Variants in EPSTI1 observed in about 807,000 individuals in gnomAD.
EPSTI1 encodes the protein epithelial stromal interaction 1.
Under a neutral mutation model 49.9 loss-of-function variants are expected in EPSTI1, and 66 were observed. The ratio of observed to expected loss-of-function variants is 1.32; its 90% CI spans 1.08 to 1.62. The LOEUF (loss-of-function observed/expected upper bound fraction) is 1.62, where lower values mean the gene tolerates loss of function less well. EPSTI1 is among the 40% of genes most tolerant of loss of function. The pLI is 0.00. For synonymous variants in EPSTI1, 137 were observed against 130.7 expected, an observed-to-expected ratio of 1.05 and a Z score of -0.33; for missense variants, 394 against 365.5, an observed-to-expected ratio of 1.08 and a Z score of -0.64.
rs761835922 is a variant in EPSTI1, at chr13:42,917,550, T to C, written c.732A>G (p.Gln244=). The change falls in exon 8 of 11, where the codon CAA becomes CAG. Residue 244 remains glutamine (Q), a synonymous_variant. Transcript: ENST00000313624. ...NRKLQKMKDE[Q]HQKSELLELK... ...AGGGGCTTGTAAGTACCTTTTGATGTTGTTCATCCTTCATCTTTTGCAATT... is the reference window on the plus strand; with the variant it reads ...AGGGGCTTGTAAGTACCTTTTGATGCTGTTCATCCTTCATCTTTTGCAATT... 6.2e-7 allele frequency: 1 copy of C among 1,612,842 alleles called. No homozygotes were observed. The highest frequency in any genetic ancestry group is 8.5e-7 in the Non-Finnish European group (1 of 1,179,184).
intron 10 of EPSTI1, among the ~76,000 whole-genome samples, chr13:42,890,254 C>A (rs2036989793): frequency 6.6e-6 from 1 of 151,398 alleles, no homozygotes. Flanking sequence ...TTTATTTATT[C>A]CACAGCATCT....
rs149792749 is a variant in EPSTI1 at position 42,922,363 on chromosome 13, C to T, written c.657+3973G>A. ...GATTAGCCTGGATAGTCCAGGTGGG[C>T]CCATTGTAATCAAAAGGGTCATTAT... On this transcript the variant is annotated intron_variant, in intron 7 of 10. Transcript: ENST00000313624. The surrounding 1 kb of genome is among the most constrained non-coding windows in gnomAD (Gnocchi z 4.8). Among the ~76,000 whole-genome samples the T allele has an allele frequency of 4.2e-4, 64 of 152,022 alleles. No homozygotes were observed. The highest frequency in any genetic ancestry group is 8.1e-4 in the Non-Finnish European group (55 of 67,980).
At chr13:42,932,949 G>A (rs2038427323) in intron 6 of EPSTI1, among the ~76,000 whole-genome samples, 1 of 152,040 alleles carries the variant, frequency 6.6e-6, no homozygotes. Flanking sequence ...CCAAACTGGG[G>A]GAAGTCTACA....
chr13:42,942,176 C>T (rs1189321095), intron 6 of EPSTI1, among the ~76,000 whole-genome samples: 1 of 152,168 alleles, frequency 6.6e-6, no homozygotes, highest in East Asian at 1.9e-4. Context: ...TTAACATTTA[C>T]GTGTATAACT....
At chr13:42,982,766 C>G (rs1471157469) in intron 1 of EPSTI1, among the ~76,000 whole-genome samples, 1 of 149,880 alleles carries the variant, frequency 6.7e-6, no homozygotes, top group Non-Finnish European at 1.5e-5. Flanking sequence ...CTGACCTTCT[C>G]CCATCTTTTT....
intron 1 of EPSTI1, 93 bp downstream of exon 1, chr13:42,991,885 T>C: frequency 1.4e-6 from 2 of 1,394,674 alleles, no homozygotes; most frequent in East Asian, 2.3e-5. Context: ...GTTGGGCCCC[T>C]GTGGTTTTAA....
At chr13:42,900,220 A>C (rs2037315191) in intron 9 of EPSTI1, 90 bp downstream of exon 9, 2 of 1,159,908 alleles carry the variant, frequency 1.7e-6, no homozygotes, top group African/African-American at 1.5e-5. Context: ...CCATATTAAT[A>C]ATGTTATCGT....
intron 6 of EPSTI1, among the ~76,000 whole-genome samples, chr13:42,940,910 G>T (rs1024505816): frequency 8.6e-5 from 13 of 151,948 alleles, no homozygotes; most frequent in Admixed American, 1.3e-4. Context: ...CAAGTAATTT[G>T]CCAATTTTTG....
intron 1 of EPSTI1, among the ~76,000 whole-genome samples, chr13:42,990,823 A>G (rs2040180664): frequency 6.6e-6 from 1 of 152,232 alleles, no homozygotes; most frequent in African/African-American, 2.4e-5. Flanking sequence ...AGAGACTAGA[A>G]GTCGATGAAA....
chr13:42,928,731 T>C (rs1400586505), intron 6 of EPSTI1, among the ~76,000 whole-genome samples: 1 of 152,244 alleles, frequency 6.6e-6, no homozygotes, highest in African/African-American at 2.4e-5. Flanking sequence ...CATGAAAATT[T>C]ACATTCTCCT....
intron 1 of EPSTI1, among the ~76,000 whole-genome samples, chr13:42,988,270 G>C (rs750715920): frequency 6.6e-6 from 1 of 152,156 alleles, no homozygotes; most frequent in Non-Finnish European, 1.5e-5. Flanking sequence ...TAAAAGGAAG[G>C]ATAAAGGTTT....
chr13:42,942,716 C>T (rs1404735922), intron 6 of EPSTI1, among the ~76,000 whole-genome samples: 1 of 113,906 alleles, frequency 8.8e-6, no homozygotes, highest in Non-Finnish European at 1.6e-5. Context: ...GAGTCTTGCT[C>T]TGTCGCCCAG....
intron 6 of EPSTI1, among the ~76,000 whole-genome samples, chr13:42,949,604 A>AG (rs1412244322): frequency 1.3e-4 from 20 of 151,978 alleles, no homozygotes; most frequent in South Asian, 8.3e-4. Context: ...AAAAAAAAAA[A>AG]AAAAGAAAAG....
chr13:42,983,013 G>C (rs1570600), intron 1 of EPSTI1, among the ~76,000 whole-genome samples: 22,139 of 152,136 alleles, frequency 0.15, 2,135 homozygotes, highest in African/African-American at 0.27. Context: ...TCAAACCTAA[G>C]CATAAAAAGA....
At position 42,888,480 on chromosome 13, in the gene EPSTI1, G is replaced by C. The variant is rs753743142; in HGVS notation, c.*14C>G. 2 of 1,613,600 alleles carry C rather than the reference G, an allele frequency of 1.2e-6. No homozygotes were observed. Among genetic ancestry groups the C allele is most frequent in the East Asian group, 4.5e-5 (2 of 44,868 alleles). ...AGGTCAGTTGATGAAGGCCAGATAG[G>C]AGTCAATATTTTCTCATATACCCTG... On this transcript the variant is annotated 3_prime_UTR_variant, in exon 11 of 11. Transcript: ENST00000313624.
chr13:42,888,322 T>A lies in EPSTI1; in HGVS notation c.*172A>T. The stretch of plus-strand genomic sequence containing the variant: ...GTTCAGGAATCAGCTCCTCCAAACA[T>A]GCATAAATGAGGACAAGGAGAAGCC... On this transcript the variant is annotated 3_prime_UTR_variant, in exon 11 of 11. Transcript: ENST00000313624. The A allele has an allele frequency of 6.2e-7, 1 of 1,614,010 alleles. No individual in the cohort carries two copies. The highest frequency in any genetic ancestry group is 8.5e-7 in the Non-Finnish European group (1 of 1,179,976).
At chr13:42,901,651 A>C (rs574607578) in intron 8 of EPSTI1, among the ~76,000 whole-genome samples, 1 of 152,182 alleles carries the variant, frequency 6.6e-6, no homozygotes, top group African/African-American at 2.4e-5. Context: ...AAGTATACCA[A>C]TGTGAAAGAA....
chr13:42,980,054 T>A (rs2039960333), intron 1 of EPSTI1, among the ~76,000 whole-genome samples: 1 of 152,114 alleles, frequency 6.6e-6, no homozygotes, highest in Non-Finnish European at 1.5e-5. Context: ...AGAGTTCAGG[T>A]AACTTTTCTT....
At chr13:42,949,104 G>A (rs1462468784) in intron 6 of EPSTI1, among the ~76,000 whole-genome samples, 8 of 152,092 alleles carry the variant, frequency 5.3e-5, no homozygotes, top group African/African-American at 1.9e-4. Flanking sequence ...AGCATCACAC[G>A]ACAGATAGCA....
Sources: gnomAD v4.1 joint callset for allele counts (sites outside exome capture counted in the v4.1 genomes callset) on GRCh38, gnomAD v4.1.1 for gene constraint, Gnocchi (gnomAD v3.1) non-coding constraint, MANE v1.5 for transcripts, NCBI Gene and HGNC (gene_info 2026-07-23, HGNC 2026-07-21) for gene names.